Variants in PPM1B observed in about 807,000 individuals in gnomAD.
PPM1B encodes protein phosphatase 1B.
Under a neutral mutation model 43.0 loss-of-function variants are expected in PPM1B, and 22 were observed. The observed-to-expected ratio is 0.51, with a 90% CI of 0.37 to 0.73. The LOEUF (loss-of-function observed/expected upper bound fraction) is 0.73. PPM1B is among the 30% of genes least tolerant of loss of function. The pLI is 0.00. For missense variants in PPM1B, 632 were observed against 584.2 expected, an observed-to-expected ratio of 1.08 and a Z score of -0.84; for synonymous variants, 217 against 197.9, an observed-to-expected ratio of 1.10 and a Z score of -0.81.
intron 5 of PPM1B, chr2:44,229,906 C>T (rs888084925): frequency 3.3e-6 from 4 of 1,218,854 alleles, no homozygotes; most frequent in Non-Finnish European, 4.5e-6. Flanking sequence ...AAAGTAAATA[C>T]AATTTTTATC....
chr2:44,200,140 T>G (rs1313312649), intron 1 of PPM1B, among the ~76,000 whole-genome samples: 1 of 152,216 alleles, frequency 6.6e-6, no homozygotes, highest in Non-Finnish European at 1.5e-5. Context: ...ATGGTGTTTA[T>G]TGTGTTTTAA....
intron 1 of PPM1B, among the ~76,000 whole-genome samples, chr2:44,190,574 C>T (rs1396655984): frequency 2.0e-5 from 3 of 151,804 alleles, no homozygotes; most frequent in Non-Finnish European, 2.9e-5. Context: ...GCATTTTTTT[C>T]CATTTCTTTT....
At chr2:44,228,431 C>G (rs1432443485) in intron 5 of PPM1B, among the ~76,000 whole-genome samples, 1 of 152,098 alleles carries the variant, frequency 6.6e-6, no homozygotes, top group East Asian at 1.9e-4. Flanking sequence ...ACCCGTCTCC[C>G]AAAGTGGTGA....
At chr2:44,215,551 T>C (rs1669681589) in intron 3 of PPM1B, among the ~76,000 whole-genome samples, 1 of 152,188 alleles carries the variant, frequency 6.6e-6, no homozygotes, top group Non-Finnish European at 1.5e-5. Flanking sequence ...TAATATGACA[T>C]TAAATTTTGT....
chr2:44,206,092 G>T (rs977702608), intron 2 of PPM1B, among the ~76,000 whole-genome samples: 5 of 152,198 alleles, frequency 3.3e-5, no homozygotes, highest in Non-Finnish European at 7.3e-5. Flanking sequence ...TATGGCAGGG[G>T]CACTGGCGTC....
At chr2:44,237,784 G>A (rs1670656623), downstream of PPM1B, among the ~76,000 whole-genome samples, 1 of 152,128 alleles carries the variant, frequency 6.6e-6, no homozygotes, top group South Asian at 2.1e-4. Flanking sequence ...TACCCTAATG[G>A]TGGGTCTGAT....
chr2:44,225,199 C>A (rs1341264655), intron 5 of PPM1B, among the ~76,000 whole-genome samples: 3 of 152,174 alleles, frequency 2.0e-5, no homozygotes, highest in African/African-American at 7.2e-5. Context: ...TATTATTTTT[C>A]CTTCCTTAGA....
intron 1 of PPM1B, among the ~76,000 whole-genome samples, chr2:44,198,837 A>C (rs75055021): frequency 6.6e-6 from 1 of 152,170 alleles, no homozygotes; most frequent in African/African-American, 2.4e-5. Flanking sequence ...AAGTGCAGGT[A>C]GTGTCTGGCA....
At chr2:44,182,331 C>A (rs1268234877) in intron 1 of PPM1B, among the ~76,000 whole-genome samples, 1 of 152,114 alleles carries the variant, frequency 6.6e-6, no homozygotes, top group Non-Finnish European at 1.5e-5. Context: ...ATGATCTTGG[C>A]TCATCGCCAC....
In PPM1B at chr2:44,244,348, C is replaced by T. The variant is rs747119449; in HGVS notation, n.1667C>T. 1.1e-5 allele frequency: 15 copies of T among 1,358,242 alleles called. No homozygotes were observed. The East Asian group carries it at 6.4e-4, about 58-fold the overall frequency. The allele number at this position is 1,358,242 out of a possible 1,614,324, so 84.1% of individuals were successfully genotyped here. ...GCGGACAAAAAGGTTTTTTTGTAAA[C>T]CCGAACGAAAAATAAACCCAGCATT... is the stretch of plus-strand genomic sequence containing the variant. On this transcript the variant is annotated non_coding_transcript_exon_variant, in exon 6 of 6. Transcript: ENST00000378540.
intron 5 of PPM1B, among the ~76,000 whole-genome samples, chr2:44,226,932 T>TTTA (rs1553336995): frequency 4.4e-5 from 6 of 134,992 alleles, no homozygotes; most frequent in South Asian, 2.6e-4. Flanking sequence ...ATGGGAAACT[T>TTTA]TTTATTTATT....
chr2:44,185,504 A>G (rs988607884), intron 1 of PPM1B, among the ~76,000 whole-genome samples: 1 of 152,160 alleles, frequency 6.6e-6, no homozygotes, highest in African/African-American at 2.4e-5. Flanking sequence ...TTTATGAACT[A>G]TATTTTTCTT....
intron 1 of PPM1B, among the ~76,000 whole-genome samples, chr2:44,188,770 C>A (rs1668255439): frequency 6.7e-6 from 1 of 148,918 alleles, no homozygotes; most frequent in South Asian, 2.2e-4. Flanking sequence ...TTCTTTCCTT[C>A]CTTCCTTCCT....
intron 2 of PPM1B, among the ~76,000 whole-genome samples, chr2:44,203,198 C>T (rs1669019935): frequency 6.6e-6 from 1 of 152,148 alleles, no homozygotes; most frequent in Non-Finnish European, 1.5e-5. Flanking sequence ...AAAGGCCGTT[C>T]TTGTCAGTGG....
In PPM1B at chr2:44,209,327, G is replaced by A. The variant is rs1669343660; in HGVS notation, c.964G>A (p.Glu322Lys). Residue 322 changes from glutamate to lysine, a missense_variant and splice_region_variant, in exon 3 of 6, where the codon GAG (glutamate) becomes AAG (lysine). By Grantham distance (56) the Glu-to-Lys change is moderately conservative. Around this residue, in one of 3 missense-constraint regions of PPM1B, gnomAD observed 392 missense variants for 302.7 expected, o/e 1.29. Coordinates refer to ENST00000282412, the MANE Select transcript of PPM1B (RefSeq NM_002706.6). Reference protein sequence around the residue: ...LDKHLESRVEEIMEKSGEEGM... With the variant: ...LDKHLESRVEKIMEKSGEEGM... The stretch of plus-strand genomic sequence containing the variant: ...TAAGCACTTGGAATCACGGGTTGAA[G>A]GTAAGACAAATGCTTTTTAAAAATA... 6.2e-7 allele frequency: 1 copy of A among 1,613,620 alleles called. No homozygotes were observed. The highest frequency in any genetic ancestry group is 1.1e-5 in the South Asian group (1 of 91,056).
chr2:44,193,450 G>A (rs1668502677), intron 1 of PPM1B, among the ~76,000 whole-genome samples: 1 of 151,856 alleles, frequency 6.6e-6, no homozygotes, highest in African/African-American at 2.4e-5. Flanking sequence ...TACCCAGGCT[G>A]AAGTACAGTG....
chr2:44,216,287 G>A lies in PPM1B; in HGVS notation c.965-1680G>A, dbSNP rs111361187. ...CATTTTTGGTGTCATAGCTGAGGGGGTGCCACTGGCATCTAGTGAATGGAG... is the reference window on the plus strand; with the variant it reads ...CATTTTTGGTGTCATAGCTGAGGGGATGCCACTGGCATCTAGTGAATGGAG... On this transcript the variant is annotated intron_variant, in intron 3 of 5. Coordinates refer to ENST00000282412, the MANE Select transcript of PPM1B (RefSeq NM_002706.6). 8.5e-5 allele frequency among the ~76,000 whole-genome samples: 13 copies of A among 152,230 alleles called. 1 individual carries two copies. The highest frequency in any genetic ancestry group is 3.1e-4 in the African/African-American group (13 of 41,516).
intron 5 of PPM1B, among the ~76,000 whole-genome samples, chr2:44,224,212 T>C (rs1670108235): frequency 6.6e-6 from 1 of 152,122 alleles, no homozygotes; most frequent in Admixed American, 6.5e-5. Context: ...TCCCAACACT[T>C]TGGGAGGCCG....
chr2:44,178,472 ATAT>A lies in PPM1B; in HGVS notation c.-15+9200_-15+9202del, dbSNP rs371034435. 3.0e-3 allele frequency among the ~76,000 whole-genome samples: 212 copies of A among 71,220 alleles called. 1 individual carries two copies. The highest frequency in any genetic ancestry group is 4.6e-3 in the Admixed American group (25 of 5,462). The allele number at this position is 71,220 out of a possible 152,430, so 46.7% of individuals were successfully genotyped here. The stretch of plus-strand genomic sequence containing the variant: ...TATATGTATATATATATATATATAT[ATAT>A]TTTTTTTTTTAGACAGAGTTTCGCT... On this transcript the variant is annotated intron_variant, in intron 1 of 5. Coordinates refer to ENST00000282412, the MANE Select transcript of PPM1B (RefSeq NM_002706.6).
Sources: gnomAD v4.1 joint callset for allele counts (sites outside exome capture counted in the v4.1 genomes callset) on GRCh38, gnomAD v4.1.1 for gene constraint, gnomAD v4.1.1 regional missense constraint, MANE v1.5 for transcripts, NCBI Gene and HGNC (gene_info 2026-07-23, HGNC 2026-07-21) for gene names.